ADARB1: variants seen among roughly 807,000 people sequenced by gnomAD.
ADARB1 encodes double-stranded RNA-specific editase 1.
Under a neutral mutation model 52.4 loss-of-function variants are expected in ADARB1, and 10 were observed. The observed-to-expected ratio is 0.19, with a 90% CI of 0.12 to 0.32. The LOEUF (loss-of-function observed/expected upper bound fraction) is 0.32, where lower values mean the gene tolerates loss of function less well. Among genes scored for constraint, ADARB1 ranks in the 10% least tolerant of loss-of-function variants. ADARB1 has a pLI of 1.00. For synonymous variants in ADARB1, 349 were observed against 371.1 expected (o/e 0.94, Z 0.68); for missense variants, 643 against 922.3 (o/e 0.70, Z 3.92).
At position 45,095,720 on chromosome 21, in the gene ADARB1, C is replaced by A. The variant is rs145070421; in HGVS notation, c.-220+20927C>A. Among the ~76,000 whole-genome samples the A allele has an allele frequency of 6.8e-4, 104 of 152,226 alleles. 1 individual carries two copies. Among genetic ancestry groups the A allele is most frequent in the African/African-American group, 2.5e-3 (102 of 41,520 alleles). On this transcript the variant is annotated intron_variant, in intron 1 of 10. Coordinates refer to ENST00000348831, the MANE Select transcript of ADARB1 (RefSeq NM_001112.4). ...AAGGGGTGTCTCTGCATCAGGAAAGCGATAAGGAGTTCAGGAAACCCAGTG... is the reference window on the plus strand; with the variant it reads ...AAGGGGTGTCTCTGCATCAGGAAAGAGATAAGGAGTTCAGGAAACCCAGTG...
chr21:45,086,365 T>C (rs2086344011), intron 1 of ADARB1, among the ~76,000 whole-genome samples: 2 of 152,224 alleles, frequency 1.3e-5, no homozygotes, highest in Non-Finnish European at 2.9e-5. Flanking sequence ...TGCCATGAAA[T>C]GCACCCTCTC....
intron 1 of ADARB1, among the ~76,000 whole-genome samples, chr21:45,110,802 G>C (rs79758594): frequency 2.9e-3 from 436 of 152,206 alleles, no homozygotes; most frequent in African/African-American, 9.3e-3. Flanking sequence ...CAAGATTCTT[G>C]TGCTGCTTCC....
In ADARB1 at chr21:45,172,488, ACTTTCC is replaced by A. The variant is rs931936628; in HGVS notation, c.28+809_28+814del. Among the ~76,000 whole-genome samples, 7 of 152,098 alleles carry A rather than the reference ACTTTCC, an allele frequency of 4.6e-5. No individual in the cohort carries two copies. The highest frequency in any genetic ancestry group is 4.6e-4 in the Admixed American group (7 of 15,282). On this transcript the variant is annotated intron_variant, in intron 3 of 10. Transcript: ENST00000348831. This position sits in a 1 kb window ranked among gnomAD's most constrained non-coding sequence, Gnocchi z 4.4. ...TGATTATTGAGCATTAGAACTTAGC[ACTTTCC>A]CTTTGACTTTACGCACAACCGATGA...
At chr21:45,078,053 A>AT (rs769056276) in intron 1 of ADARB1, among the ~76,000 whole-genome samples, 24 of 150,464 alleles carry the variant, frequency 1.6e-4, no homozygotes, top group Middle Eastern at 3.4e-3. Flanking sequence ...AAATTATCAC[A>AT]ATTTTTTTTT....
intron 1 of ADARB1, among the ~76,000 whole-genome samples, chr21:45,107,788 T>A (rs1441618863): frequency 1.3e-5 from 2 of 152,160 alleles, no homozygotes; most frequent in Non-Finnish European, 2.9e-5. Context: ...GAAAGGCTTT[T>A]TTAAAGGCGT....
chr21:45,109,899 C>T (rs1178076057), intron 1 of ADARB1, among the ~76,000 whole-genome samples: 3 of 152,140 alleles, frequency 2.0e-5, no homozygotes, highest in Non-Finnish European at 4.4e-5. Context: ...CACTGGGAGG[C>T]GCCTTTCTCT....
chr21:45,113,188 G>A (rs2087625452), intron 1 of ADARB1, among the ~76,000 whole-genome samples: 1 of 152,104 alleles, frequency 6.6e-6, no homozygotes, highest in Non-Finnish European at 1.5e-5. Flanking sequence ...ACTTTGGGAG[G>A]CCGAGGTGGG....
chr21:45,202,379 G>A (rs920976532), intron 8 of ADARB1, among the ~76,000 whole-genome samples: 1 of 152,214 alleles, frequency 6.6e-6, no homozygotes, highest in African/African-American at 2.4e-5. Context: ...TATCCAGAAT[G>A]AGGCGTAAAC....
In ADARB1 at chr21:45,224,967, T is replaced by G; in HGVS notation, c.*2770T>G. 1 of 985,524 alleles carries G rather than the reference T, an allele frequency of 1.0e-6. No individual in the cohort carries two copies. The highest frequency in any genetic ancestry group is 1.2e-6 in the Non-Finnish European group (1 of 829,936). The allele number at this position is 985,524 out of a possible 1,614,324, so 61.0% of individuals were successfully genotyped here. A position where few individuals can be genotyped will look rare whatever the true frequency, so the allele number is the denominator to read the frequency against. On this transcript the variant is annotated 3_prime_UTR_variant, in exon 11 of 11. Coordinates refer to ENST00000348831, the MANE Select transcript of ADARB1 (RefSeq NM_001112.4). ...CATCCAGTGTCCTTGATGTGGCTTT[T>G]AGAGACTTAGCAGAAAATTCGACAC...
rs78764430 is a variant in ADARB1 at position 45,180,513 on chromosome 21, C to T, written c.1078+69C>T. 2,153 of 1,285,394 alleles carry T rather than the reference C, an allele frequency of 1.7e-3. 33 individuals are homozygous for T. The African/African-American group carries it at 0.027, about 16-fold the overall frequency. The allele number at this position is 1,285,394 out of a possible 1,614,324, so 79.6% of individuals were successfully genotyped here. A position where few individuals can be genotyped will look rare whatever the true frequency, so the allele number is the denominator to read the frequency against. ...CTGACAAATGTGAAATGTTCTCAAT[C>T]GACAAAAACCACTGTGCCACACCGA... On this transcript the variant is annotated intron_variant, in intron 5 of 10. Coordinates refer to ENST00000348831, the MANE Select transcript of ADARB1 (RefSeq NM_001112.4).
intron 2 of ADARB1, among the ~76,000 whole-genome samples, chr21:45,141,659 C>T (rs765676215): frequency 1.5e-4 from 23 of 152,072 alleles, no homozygotes; most frequent in Non-Finnish European, 3.1e-4. Flanking sequence ...CCAGCCACCC[C>T]AGGGACACCT....
At chr21:45,175,110 C>G (rs1046930594) in intron 3 of ADARB1, among the ~76,000 whole-genome samples, 1 of 152,174 alleles carries the variant, frequency 6.6e-6, no homozygotes, top group African/African-American at 2.4e-5. Flanking sequence ...ATACTTTACA[C>G]AATTACATAA....
At chr21:45,079,340 C>G (rs187302711) in intron 1 of ADARB1, among the ~76,000 whole-genome samples, 43 of 152,330 alleles carry the variant, frequency 2.8e-4, no homozygotes, top group East Asian at 1.9e-4. Flanking sequence ...AATTCATGCA[C>G]TTTCATAAAA....
At chr21:45,184,448 ATT>A (rs35076710) in intron 7 of ADARB1, 8,201 of 141,778 alleles carry the variant, frequency 0.058, 170 homozygotes, top group South Asian at 0.11. Flanking sequence ...ATTTCATATA[ATT>A]TTTTTTTTTT....
intron 1 of ADARB1, among the ~76,000 whole-genome samples, chr21:45,088,815 G>A (rs1246507653): frequency 6.6e-6 from 1 of 152,212 alleles, no homozygotes; most frequent in Non-Finnish European, 1.5e-5. Context: ...GAGACAAGTT[G>A]CATCATATGC....
In ADARB1 at chr21:45,222,545, A is replaced by T; in HGVS notation, c.*348A>T. 1 of 1,071,890 alleles carries T rather than the reference A, an allele frequency of 9.3e-7. No homozygotes were observed. The highest frequency in any genetic ancestry group is 1.1e-6 in the Non-Finnish European group (1 of 886,310). 66.4% of individuals were successfully genotyped at this position (1,071,890 alleles called of 1,614,324 possible). A position where few individuals can be genotyped will look rare whatever the true frequency, so the allele number is the denominator to read the frequency against. On this transcript the variant is annotated 3_prime_UTR_variant, in exon 11 of 11. Coordinates refer to ENST00000348831, the MANE Select transcript of ADARB1 (RefSeq NM_001112.4). ...CCTTAAGTTTAGGAAAATAGAAATT[A>T]CTTTGTGTGAAATTCTTGAATAAAT...
Position 45,128,813 on chromosome 21 carries a change from G to A in ADARB1, c.-48+240G>A, listed in dbSNP as rs928846547. On this transcript the variant is annotated intron_variant, in intron 2 of 10. Transcript: ENST00000348831. This position sits in a 1 kb window ranked among gnomAD's most constrained non-coding sequence, Gnocchi z 4.6. ...CTGCTGCCCTCCAGTGGCATGTGTG[G>A]CACCTGCTGCCCTCCAGTGGCATGT... is the stretch of plus-strand genomic sequence containing the variant. 6.6e-6 allele frequency among the ~76,000 whole-genome samples: 1 copy of A among 152,174 alleles called. No individual in the cohort carries two copies. Among genetic ancestry groups the A allele is most frequent in the South Asian group, 2.1e-4 (1 of 4,812 alleles).
rs1012439966 is a variant in ADARB1, at chr21:45,163,011, T to C, written c.-47-8599T>C. ...TCTCACCCAGTGCTCCCTTGCCCAC[T>C]CGGCCAACTGTCGTTTTGCAGACGG... On this transcript the variant is annotated intron_variant, in intron 2 of 10. Transcript: ENST00000348831. 2.6e-5 allele frequency among the ~76,000 whole-genome samples: 4 copies of C among 152,332 alleles called. No individual in the cohort carries two copies. In the East Asian group the frequency reaches 7.7e-4, roughly 29 times the overall value.
intron 8 of ADARB1, among the ~76,000 whole-genome samples, chr21:45,186,834 G>T (rs775055683): frequency 6.6e-5 from 10 of 152,160 alleles, no homozygotes; most frequent in Non-Finnish European, 1.5e-4. Flanking sequence ...TGTTGAAGAT[G>T]ATTTGAACAT....
Sources: allele counts gnomAD v4.1 joint callset (sites outside exome capture counted in the v4.1 genomes callset), GRCh38; gene constraint gnomAD v4.1.1; non-coding constraint Gnocchi (gnomAD v3.1); transcripts MANE v1.5; gene names NCBI Gene and HGNC (gene_info 2026-07-23, HGNC 2026-07-21).